THBS2: variants seen among roughly 807,000 people sequenced by gnomAD.
THBS2 encodes the protein thrombospondin 2, also known as thrombospondin-2.
In THBS2, 47 loss-of-function variants were observed where a neutral mutation model predicts 135.2. That is an observed-to-expected ratio of 0.35 (90% confidence interval 0.28 to 0.44). THBS2 has a LOEUF of 0.44. Ranked by LOEUF, THBS2 falls within the 20% of genes least tolerant of loss-of-function variation. THBS2 has a pLI of 1.00. For missense variants in THBS2, 1,288 were observed against 1,603.1 expected (o/e 0.80, Z 3.36); for synonymous variants, 639 against 633.8 (o/e 1.01, Z -0.12).
Position 169,252,971 on chromosome 6 carries a change from C to T in THBS2, c.-23+753G>A, listed in dbSNP as rs1239918147. On this transcript the variant is annotated intron_variant, in intron 1 of 21. Coordinates refer to ENST00000617924, the MANE Select transcript of THBS2 (RefSeq NM_003247.5). The surrounding 1 kb of genome is among the most constrained non-coding windows in gnomAD (Gnocchi z 4.3). ...ACACCAGACTCCTGGGTGCTCAGCT[C>T]CCAGTCCTGGGCAGCCAAACCCACC... 6.6e-6 allele frequency among the ~76,000 whole-genome samples: 1 copy of T among 152,172 alleles called. No homozygotes were observed. The highest frequency in any genetic ancestry group is 6.5e-5 in the Admixed American group (1 of 15,288).
In THBS2 at chr6:169,248,841, T is replaced by C. The variant is rs1780655314; in HGVS notation, c.185A>G (p.Tyr62Cys). ...GTCATCTGCGTTCACCGGTGGGATG[T>C]AGTCAAAGCGCACGAAGCGGTAAGC... ...VPAYRFVRFD[Y>C]IPPVNADDLS... The change falls in exon 3 of 22, where the codon TAC becomes TGC. Residue 62 changes from tyrosine to cysteine, a missense_variant. Transcript: ENST00000617924. 6.2e-6 allele frequency: 10 copies of C among 1,611,114 alleles called. No homozygotes were observed. Among genetic ancestry groups the C allele is most frequent in the Non-Finnish European group, 7.6e-6 (9 of 1,179,968 alleles).
chr6:169,237,117 T>A, intron 9 of THBS2, 53 bp downstream of exon 9: 1 of 1,550,622 alleles, frequency 6.4e-7, no homozygotes. Context: ...GGCTGCTCAC[T>A]GTGAGCTGCC....
chr6:169,251,162 TTCTGTTC>T (rs1780739677), intron 1 of THBS2, among the ~76,000 whole-genome samples: 1 of 152,218 alleles, frequency 6.6e-6, no homozygotes, highest in Non-Finnish European at 1.5e-5. Context: ...CCTGGAGTAA[TTCTGTTC>T]ATACGACTCG....
chr6:169,249,420 G>T (rs190572868), intron 2 of THBS2, among the ~76,000 whole-genome samples: 1 of 152,286 alleles, frequency 6.6e-6, no homozygotes, highest in East Asian at 1.9e-4. Context: ...CAGCCATCCT[G>T]TCTACCAGTT....
intron 3 of THBS2, among the ~76,000 whole-genome samples, chr6:169,248,134 T>A (rs1472504735): frequency 6.6e-6 from 1 of 151,698 alleles, no homozygotes; most frequent in Non-Finnish European, 1.5e-5. Context: ...TTTGTGTATA[T>A]GTCTTTGGAT....
At chr6:169,227,854 G>A (rs9406327) in intron 15 of THBS2, among the ~76,000 whole-genome samples, 27,105 of 152,150 alleles carry the variant, frequency 0.18, 2,499 homozygotes, top group South Asian at 0.23. Flanking sequence ...GGCCAAGGCA[G>A]GCGGATCATT....
intron 21 of THBS2, among the ~76,000 whole-genome samples, chr6:169,219,583 G>A (rs1483473854): frequency 6.6e-6 from 1 of 152,110 alleles, no homozygotes; most frequent in Non-Finnish European, 1.5e-5. Context: ...GACCTCAGGG[G>A]ATCCACCCGC....
chr6:169,238,843 G>A (rs946295802), intron 7 of THBS2, among the ~76,000 whole-genome samples: 2 of 152,198 alleles, frequency 1.3e-5, no homozygotes, highest in Non-Finnish European at 2.9e-5. Flanking sequence ...ATGGTGACTA[G>A]TTTAGTTTGG....
intron 21 of THBS2, among the ~76,000 whole-genome samples, chr6:169,218,268 G>A (rs1779260727): frequency 6.7e-6 from 1 of 149,470 alleles, no homozygotes; most frequent in Non-Finnish European, 1.5e-5. Context: ...TGGATGGATG[G>A]ATGAAATGGA....
chr6:169,230,014 C>T (rs1779778124), intron 13 of THBS2, among the ~76,000 whole-genome samples: 1 of 152,182 alleles, frequency 6.6e-6, no homozygotes, highest in Non-Finnish European at 1.5e-5. Flanking sequence ...AGAAAAGAGG[C>T]TTTAGTGGTG....
chr6:169,241,836 G>C lies in THBS2; in HGVS notation c.817C>G (p.Leu273Val). 1 of 1,612,778 alleles carries C rather than the reference G, an allele frequency of 6.2e-7. No homozygotes were observed. The highest frequency in any genetic ancestry group is 1.1e-5 in the South Asian group (1 of 91,066). The change falls in exon 5 of 22, where the codon CTG becomes GTG. Residue 273 changes from leucine (L) to valine (V), a missense_variant. By Grantham distance (32) the Leu-to-Val change is conservative. Around this residue, in one of 2 missense-constraint regions of THBS2, gnomAD observed 414 missense variants for 447.0 expected, o/e 0.93. Transcript: ENST00000617924. This position sits in a 1 kb window ranked among gnomAD's most constrained non-coding sequence, Gnocchi z 5.5. ...GAGAGCTCCTGGACCATGTTTCCCA[G>C]CTCCTCGCACGAGCGTTCGCACACC... is the stretch of plus-strand genomic sequence containing the variant. ...PEVCERSCEELGNMVQELSGL... is the reference protein window; with the variant it reads ...PEVCERSCEEVGNMVQELSGL...
At chr6:169,232,858 G>A (rs757963052) in intron 11 of THBS2, 32 bp downstream of exon 11, 1 of 1,606,246 alleles carries the variant, frequency 6.2e-7, no homozygotes, top group Admixed American at 1.7e-5. Context: ...CCCGACCTCA[G>A]GGCGCCCACA....
chr6:169,251,745 C>T (rs1303080793), intron 1 of THBS2, among the ~76,000 whole-genome samples: 1 of 152,214 alleles, frequency 6.6e-6, no homozygotes, highest in Non-Finnish European at 1.5e-5. Flanking sequence ...TGGAAATCCT[C>T]ACCTTCCAGG....
Position 169,248,771 on chromosome 6 carries a change from G to A in THBS2, c.255C>T (p.Phe85=). 1.2e-6 allele frequency: 2 copies of A among 1,612,518 alleles called. No homozygotes were observed. Among genetic ancestry groups the A allele is most frequent in the Non-Finnish European group, 1.7e-6 (2 of 1,180,006 alleles). The change falls in exon 3 of 22, where the codon TTC becomes TTT. Residue 85 remains phenylalanine (F), a synonymous_variant. Transcript: ENST00000617924. ...CGTCCTGCTTGAGCTGGGCCGTGAG[G>A]AAGAAGCCCTCCTTCTGCCGCATGA... ...TKIMRQKEGF[F]LTAQLKQDGK... is the part of the protein sequence containing the mutation.
At chr6:169,219,822 A>C in intron 21 of THBS2, 1 of 482,148 alleles carries the variant, frequency 2.1e-6, no homozygotes, top group Non-Finnish European at 4.0e-6. Context: ...CTATAGAGAA[A>C]CTCCTTCCTT....
rs1334996221 is a variant in THBS2, at chr6:169,219,266, G to GTGGA, written c.3511+928_3511+931dup. Among the ~76,000 whole-genome samples the GTGGA allele has an allele frequency of 3.4e-5, 4 of 117,232 alleles. No homozygotes were observed. The South Asian group carries it at 1.1e-3, about 33-fold the overall frequency. 76.9% of individuals were successfully genotyped at this position (117,232 alleles called of 152,430 possible). On this transcript the variant is annotated intron_variant, in intron 21 of 21. Coordinates refer to ENST00000617924, the MANE Select transcript of THBS2 (RefSeq NM_003247.5). ...ATTAGATGGATAGGTGGATGGGTGG[G>GTGGA]TGGATGGATGGATGGATGAGATAGT...
intron 13 of THBS2, among the ~76,000 whole-genome samples, chr6:169,231,314 A>T (rs1043574027): frequency 6.6e-6 from 1 of 152,232 alleles, no homozygotes; most frequent in East Asian, 1.9e-4. Context: ...GGTCAGGGCC[A>T]TGCAGCCACC....
intron 4 of THBS2, among the ~76,000 whole-genome samples, chr6:169,243,620 C>G (rs1383537761): frequency 2.0e-5 from 3 of 152,320 alleles, no homozygotes; most frequent in East Asian, 3.9e-4. Context: ...ACAATCAGGT[C>G]AATATCAACA....
chr6:169,248,766 G>T lies in THBS2; in HGVS notation c.260C>A (p.Thr87Lys). Residue 87 changes from threonine (T) to lysine (K), a missense_variant, in exon 3 of 22, where the codon ACG (threonine) becomes AAG (lysine). Thr to Lys is a moderately conservative substitution (Grantham distance 78, BLOSUM62 -1). Around this residue, in one of 2 missense-constraint regions of THBS2, gnomAD observed 414 missense variants for 447.0 expected, o/e 0.93. Coordinates refer to ENST00000617924, the MANE Select transcript of THBS2 (RefSeq NM_003247.5). ...IMRQKEGFFL[T>K]AQLKQDGKSR... ...CTTGCCGTCCTGCTTGAGCTGGGCC[G>T]TGAGGAAGAAGCCCTCCTTCTGCCG... 1 of 1,612,574 alleles carries T rather than the reference G, an allele frequency of 6.2e-7. No homozygotes were observed.
Sources: allele counts gnomAD v4.1 joint callset (sites outside exome capture counted in the v4.1 genomes callset), GRCh38; gene constraint gnomAD v4.1.1; regional missense constraint gnomAD v4.1.1; non-coding constraint Gnocchi (gnomAD v3.1); transcripts MANE v1.5; gene names NCBI Gene and HGNC (gene_info 2026-07-23, HGNC 2026-07-21).